Variants in GPHN observed in about 807,000 individuals in gnomAD.
GPHN encodes the protein gephyrin.
Under a neutral mutation model 95.5 loss-of-function variants are expected in GPHN, and 17 were observed. That is an observed-to-expected ratio of 0.18 (90% CI 0.12 to 0.27). The LOEUF (loss-of-function observed/expected upper bound fraction) is 0.27. Ranked by LOEUF, GPHN falls within the 10% of genes least tolerant of loss-of-function variation. The probability of loss-of-function intolerance (pLI) is 1.00; values close to 1 mark genes in which losing one functional copy is unlikely to be tolerated. For missense variants in GPHN, 660 were observed against 978.1 expected (o/e 0.67, Z 4.34); for synonymous variants, 320 against 322.5 (o/e 0.99, Z 0.08).
the GPHN span, among the ~76,000 whole-genome samples, chr14:67,733,102 C>T: frequency 6.6e-6 from 1 of 150,544 alleles, no homozygotes; most frequent in African/African-American, 2.4e-5. Context: ...GCACATGTAC[C>T]CTAAAACTTA....
the GPHN span, chr14:67,592,286 A>G: frequency 2.4e-6 from 1 of 411,730 alleles, no homozygotes; most frequent in Non-Finnish European, 4.7e-6. Context: ...AATAAAAAAA[A>G]AAAATTAGCC....
chr14:66,758,322 C>A (rs542012197), intron 2 of GPHN, among the ~76,000 whole-genome samples: 137 of 152,256 alleles, frequency 9.0e-4, no homozygotes, highest in African/African-American at 3.2e-3. Flanking sequence ...ATTTGGCTGC[C>A]TCCTATCACT....
chr14:66,700,530 A>G (rs1179728534), intron 2 of GPHN, among the ~76,000 whole-genome samples: 1 of 152,300 alleles, frequency 6.6e-6, no homozygotes, highest in Non-Finnish European at 1.5e-5. Flanking sequence ...GTCTGGGACA[A>G]CTCGGGGATG....
chr14:66,757,547 G>A (rs1360311787), intron 2 of GPHN, among the ~76,000 whole-genome samples: 1 of 152,066 alleles, frequency 6.6e-6, no homozygotes, highest in Non-Finnish European at 1.5e-5. Flanking sequence ...GTACCACCCT[G>A]TCCAGCTAAC....
chr14:66,688,980 G>A (rs1270004012), intron 2 of GPHN, among the ~76,000 whole-genome samples: 3 of 152,090 alleles, frequency 2.0e-5, no homozygotes, highest in Non-Finnish European at 4.4e-5. Flanking sequence ...CAGTTGATGG[G>A]TGCAGCAAAC....
chr14:67,148,688 G>A (rs1221624519), intron 18 of GPHN, among the ~76,000 whole-genome samples: 1 of 150,922 alleles, frequency 6.6e-6, no homozygotes, highest in Non-Finnish European at 1.5e-5. Context: ...AGCCTCCCGA[G>A]TAGCTGGGAC....
intron 4 of GPHN, among the ~76,000 whole-genome samples, chr14:66,838,935 C>G (rs778390328): frequency 1.3e-5 from 2 of 152,128 alleles, no homozygotes; most frequent in Non-Finnish European, 2.9e-5. Flanking sequence ...TAAAAGGCAT[C>G]TGATAGGGAT....
chr14:67,086,968 G>A (rs1193980070), intron 11 of GPHN, among the ~76,000 whole-genome samples: 3 of 149,996 alleles, frequency 2.0e-5, no homozygotes, highest in Non-Finnish European at 3.0e-5. Context: ...AACCCAGAAG[G>A]CGGAGCTTGC....
the GPHN span, chr14:67,574,282 C>T: frequency 6.2e-7 from 1 of 1,608,780 alleles, no homozygotes; most frequent in Non-Finnish European, 8.5e-7. The surrounding 1 kb of genome is among the most constrained non-coding windows in gnomAD (Gnocchi z 4.2). Context: ...ACGGCCGATT[C>T]ACCCAGCCTG....
At chr14:66,936,331 A>T (rs1250723027) in intron 8 of GPHN, among the ~76,000 whole-genome samples, 1 of 152,060 alleles carries the variant, frequency 6.6e-6, no homozygotes, top group East Asian at 1.9e-4. Context: ...GTGAGCAGAG[A>T]TTGTGCCATT....
chr14:66,562,515 A>G (rs2060301260), intron 1 of GPHN, among the ~76,000 whole-genome samples: 1 of 152,182 alleles, frequency 6.6e-6, no homozygotes, highest in South Asian at 2.1e-4. Flanking sequence ...AAACAAATTT[A>G]TTAACATGTG....
the GPHN span, chr14:67,646,986 A>G: frequency 5.6e-6 from 9 of 1,613,200 alleles, no homozygotes; most frequent in Non-Finnish European, 7.6e-6. Context: ...CTTGGTATCC[A>G]GAAGGTCATG....
chr14:67,397,628 AGAGAG>A, the GPHN span: 1 of 1,574,540 alleles, frequency 6.4e-7, no homozygotes, highest in Non-Finnish European at 8.7e-7. Flanking sequence ...GCTGTGGAAC[AGAGAG>A]GAGCTGGACA....
At chr14:66,768,407 A>G (rs1371568730) in intron 2 of GPHN, among the ~76,000 whole-genome samples, 1 of 152,008 alleles carries the variant, frequency 6.6e-6, no homozygotes, top group East Asian at 1.9e-4. Context: ...TAAAAATTCT[A>G]TTTCATACCT....
At chr14:67,172,010 C>G (rs571075273) in intron 21 of GPHN, among the ~76,000 whole-genome samples, 14 of 152,290 alleles carry the variant, frequency 9.2e-5, no homozygotes, top group South Asian at 6.2e-4. Flanking sequence ...ATGCTCCCCC[C>G]AGTAAAGGAG....
chr14:67,374,247 C>A, the GPHN span, among the ~76,000 whole-genome samples: 3 of 152,220 alleles, frequency 2.0e-5, no homozygotes, highest in Admixed American at 2.0e-4. Flanking sequence ...AAATACATTG[C>A]AAATATTCCA....
the GPHN span, chr14:67,380,645 A>G: frequency 4.3e-6 from 6 of 1,411,372 alleles, no homozygotes; most frequent in African/African-American, 1.5e-5. Flanking sequence ...TTATTTATTT[A>G]TGTTTTTGAC....
chr14:66,753,855 G>A (rs2058462334), intron 2 of GPHN, among the ~76,000 whole-genome samples: 1 of 152,042 alleles, frequency 6.6e-6, no homozygotes, highest in Admixed American at 6.6e-5. Flanking sequence ...CCCATTACCA[G>A]TCACTTTTTT....
intron 11 of GPHN, among the ~76,000 whole-genome samples, chr14:67,085,268 A>T (rs891457789): frequency 3.9e-5 from 6 of 152,258 alleles, no homozygotes; most frequent in African/African-American, 1.4e-4. Context: ...AACCTTCCAG[A>T]ATGGAATTGC....
Sources: gnomAD v4.1 joint callset for allele counts (sites outside exome capture counted in the v4.1 genomes callset) on GRCh38, gnomAD v4.1.1 for gene constraint, Gnocchi (gnomAD v3.1) non-coding constraint, MANE v1.5 for transcripts, NCBI Gene and HGNC (gene_info 2026-07-23, HGNC 2026-07-21) for gene names.